NRG1: variants seen among roughly 807,000 people sequenced by gnomAD.
NRG1 encodes the protein neuregulin 1, also known as pro-neuregulin-1, membrane-bound isoform.
A neutral mutation model predicts 63.8 loss-of-function variants in NRG1; 18 were observed. The observed-to-expected ratio is 0.28, with a 90% confidence interval of 0.19 to 0.42. NRG1 has a LOEUF of 0.42. Ranked by LOEUF, NRG1 falls within the 10% of genes least tolerant of loss-of-function variation. NRG1 has a pLI of 1.00. For synonymous variants in NRG1, 302 were observed against 301.3 expected (o/e 1.00, Z -0.02); for missense variants, 762 against 814.7 (o/e 0.94, Z 0.79).
intron 1 of NRG1, among the ~76,000 whole-genome samples, chr8:31,977,921 A>C (rs1344943672): frequency 6.6e-6 from 1 of 152,126 alleles, no homozygotes; most frequent in East Asian, 1.9e-4. Flanking sequence ...TAGTCTTGAC[A>C]AACGGATTCT....
chr8:31,883,684 A>T (rs1400706714), intron 1 of NRG1, among the ~76,000 whole-genome samples: 2 of 152,240 alleles, frequency 1.3e-5, no homozygotes, highest in East Asian at 1.9e-4. Context: ...ATGTTCTTAG[A>T]TCCTGCTGTT....
In NRG1 at chr8:32,048,320, T is replaced by C. The variant is rs537680751; in HGVS notation, c.37+408889T>C. Among the ~76,000 whole-genome samples the C allele has an allele frequency of 4.7e-5, 7 of 149,602 alleles. No individual in the cohort carries two copies. In the South Asian group the frequency reaches 8.3e-4, roughly 18 times the overall value. The stretch of plus-strand genomic sequence containing the variant: ...ATATATTCATACATATATGTATGTA[T>C]ATACATATGTACATGTATGTATGTA... On this transcript the variant is annotated intron_variant, in intron 1 of 10. Coordinates refer to the NRG1 transcript ENST00000519301.
chr8:31,870,689 T>C (rs1428807532), intron 1 of NRG1, among the ~76,000 whole-genome samples: 2 of 152,194 alleles, frequency 1.3e-5, no homozygotes, highest in Non-Finnish European at 2.9e-5. Context: ...AGGGCATTTC[T>C]CAGAGTCACT....
chr8:32,048,440 TACATAC>T (rs1162477621), intron 1 of NRG1, among the ~76,000 whole-genome samples: 126 of 5,634 alleles, frequency 0.022, no homozygotes, highest in African/African-American at 0.033. Context: ...TACACATATA[TACATAC>T]ATATATATAT....
chr8:32,548,789 CAAGAA>C lies in NRG1; in HGVS notation c.64_68del (p.Lys22AlafsTer35). ...GCAAGAAGAAGGAGCGAGGCTCCGG[CAAGAA>C]GCCGGAGTCCGCGGCGGGCAGCCAG... On this transcript the variant is annotated frameshift_variant, in exon 1 of 12. Transcript: ENST00000356819. LOFTEE classifies it high-confidence loss of function. 1 of 1,586,664 alleles carries C rather than the reference CAAGAA, an allele frequency of 6.3e-7. No individual in the cohort carries two copies. Among genetic ancestry groups the C allele is most frequent in the Non-Finnish European group, 8.6e-7 (1 of 1,168,606 alleles).
At chr8:32,673,491 T>G (rs1806241565) in intron 5 of NRG1, among the ~76,000 whole-genome samples, 2 of 152,152 alleles carry the variant, frequency 1.3e-5, no homozygotes, top group South Asian at 4.1e-4. Context: ...CAAATCACTG[T>G]CTTCCACTCT....
intron 1 of NRG1, among the ~76,000 whole-genome samples, chr8:31,762,700 G>A (rs1390272709): frequency 6.6e-6 from 1 of 152,072 alleles, no homozygotes; most frequent in Non-Finnish European, 1.5e-5. Context: ...AGATAATATA[G>A]TAATTATTAA....
chr8:32,724,717 A>T (rs1305337758), intron 5 of NRG1, among the ~76,000 whole-genome samples: 1 of 152,148 alleles, frequency 6.6e-6, no homozygotes. Context: ...AACACTTCGC[A>T]TCACCTGGGA....
At chr8:32,206,873 T>A (rs1844124284) in intron 1 of NRG1, among the ~76,000 whole-genome samples, 1 of 152,236 alleles carries the variant, frequency 6.6e-6, no homozygotes, top group Non-Finnish European at 1.5e-5. Context: ...CACTTATAAG[T>A]GAGAACATGC....
chr8:32,731,146 C>T (rs553730338), intron 6 of NRG1, among the ~76,000 whole-genome samples: 1 of 152,260 alleles, frequency 6.6e-6, no homozygotes, highest in East Asian at 1.9e-4. Context: ...AGCCCTCCCA[C>T]GTCCAATACA....
At chr8:31,648,765 A>T (rs912962779) in intron 1 of NRG1, among the ~76,000 whole-genome samples, 1 of 152,148 alleles carries the variant, frequency 6.6e-6, no homozygotes, top group African/African-American at 2.4e-5. Context: ...ATAATTTTCC[A>T]TTGTATGTAA....
chr8:31,891,844 A>C (rs1831168483), intron 1 of NRG1, among the ~76,000 whole-genome samples: 1 of 152,234 alleles, frequency 6.6e-6, no homozygotes, highest in Non-Finnish European at 1.5e-5. Context: ...GGAAAGTTAC[A>C]TGCAACAGCC....
intron 1 of NRG1, among the ~76,000 whole-genome samples, chr8:32,517,641 T>C (rs1314610563): frequency 6.6e-6 from 1 of 152,210 alleles, no homozygotes; most frequent in African/African-American, 2.4e-5. Context: ...GCATATAGCC[T>C]ATGCTTTTGA....
chr8:32,693,018 C>T (rs553312788), intron 5 of NRG1, among the ~76,000 whole-genome samples: 24 of 152,124 alleles, frequency 1.6e-4, no homozygotes, highest in Non-Finnish European at 3.4e-4. Flanking sequence ...TCACCGAATG[C>T]CTTTCCGGTA....
intron 1 of NRG1, among the ~76,000 whole-genome samples, chr8:32,296,684 T>C (rs1283785320): frequency 1.3e-5 from 2 of 151,634 alleles, no homozygotes; most frequent in Non-Finnish European, 2.9e-5. Context: ...GGGCTATTGA[T>C]TTTTTTCTAG....
Position 32,609,916 on chromosome 8 carries a change from C to T in NRG1, c.400+4233C>T, listed in dbSNP as rs114750055. Among the ~76,000 whole-genome samples, 1,052 of 151,458 alleles carry T rather than the reference C, an allele frequency of 6.9e-3. 13 individuals are homozygous for T. Among genetic ancestry groups the T allele is most frequent in the African/African-American group, 0.024 (982 of 41,366 alleles). On this transcript the variant is annotated intron_variant, in intron 3 of 11. Coordinates refer to ENST00000356819, the Ensembl canonical transcript of NRG1. ...TAACTCCTGACCTCAAATGATCTGC[C>T]CACTTTGGGCTCCCAAAGTGCTTGG...
At chr8:31,664,767 C>A (rs1180119156) in intron 1 of NRG1, among the ~76,000 whole-genome samples, 1 of 152,126 alleles carries the variant, frequency 6.6e-6, no homozygotes, top group Non-Finnish European at 1.5e-5. Flanking sequence ...GGAAAAGGAA[C>A]AAGCTACAGT....
intron 1 of NRG1, among the ~76,000 whole-genome samples, chr8:32,088,503 A>T (rs1484675746): frequency 6.9e-6 from 1 of 145,336 alleles, no homozygotes; most frequent in Non-Finnish European, 1.5e-5. Flanking sequence ...GGTCTGAAAG[A>T]AAACTTACAA....
rs188296510 is a variant in NRG1, at chr8:32,571,540, C to T, written c.100+22714C>T. Among the ~76,000 whole-genome samples the T allele has an allele frequency of 4.0e-4, 61 of 152,050 alleles. No homozygotes were observed. The South Asian group carries it at 6.3e-3, about 16-fold the overall frequency. ...ACCTCCCCAGCTCAGCCTTCATGTACGAATTTTAGATTCTTTTGCCTTCGT... is the reference window on the plus strand; with the variant it reads ...ACCTCCCCAGCTCAGCCTTCATGTATGAATTTTAGATTCTTTTGCCTTCGT... On this transcript the variant is annotated intron_variant, in intron 1 of 11. Transcript: ENST00000356819.
Sources: allele counts gnomAD v4.1 joint callset (sites outside exome capture counted in the v4.1 genomes callset), GRCh38; gene constraint gnomAD v4.1.1; transcripts MANE v1.5; gene names NCBI Gene and HGNC (gene_info 2026-07-23, HGNC 2026-07-21).